CENPE: variants seen among roughly 807,000 people sequenced by gnomAD.
The protein encoded by CENPE is centromere-associated protein E.
In CENPE, 145 loss-of-function variants were observed where a neutral mutation model predicts 336.1. The observed-to-expected ratio is 0.43, with a 90% CI of 0.38 to 0.50. The LOEUF is 0.50. Among genes scored for constraint, CENPE ranks in the 20% least tolerant of loss-of-function variants. The pLI, the probability that CENPE is intolerant of heterozygous loss-of-function variation, is 0.00. For synonymous variants in CENPE, 1,013 were observed against 984.8 expected (o/e 1.03, Z -0.54); for missense variants, 2,719 against 3,023.3 (o/e 0.90, Z 2.36).
intron 17 of CENPE, 35 bp from the exon 18 acceptor site, chr4:103,163,291 A>G: frequency 6.3e-7 from 1 of 1,577,866 alleles, no homozygotes; most frequent in Non-Finnish European, 8.6e-7. Context: ...ACAATTTAGA[A>G]TCTGATTTGA....
rs201814347 is a variant in CENPE at position 103,158,628 on chromosome 4, C to T, written c.2860G>A (p.Asp954Asn). Residue 954 changes from aspartate to asparagine, a missense_variant, in exon 23 of 49, where the codon GAT becomes AAT. This residue lies in a region of CENPE where 2,437 missense variants were observed against 2,513.3 expected (regional missense o/e 0.97). Transcript: ENST00000265148. Reference protein sequence around the residue: ...ERDQLKSDIHDTVNMNIDTQE... With the variant: ...ERDQLKSDIHNTVNMNIDTQE... ...CAAAACCTTACCATGTTAACAGTAT[C>T]GTGAATATCACTTTTGAGTTGGTCC... is the stretch of plus-strand genomic sequence containing the variant. 1.7e-5 allele frequency: 27 copies of T among 1,602,846 alleles called. No homozygotes were observed. The highest frequency in any genetic ancestry group is 4.5e-5 in the East Asian group (2 of 44,756).
intron 46 of CENPE, among the ~76,000 whole-genome samples, 159 bp downstream of exon 46, chr4:103,114,296 T>C (rs1252913538): frequency 6.6e-6 from 1 of 152,194 alleles, no homozygotes; most frequent in Non-Finnish European, 1.5e-5. Flanking sequence ...TGTCACAAGA[T>C]ATCTGGAAAT....
At chr4:103,196,275 A>G (rs772684482) in intron 2 of CENPE, 23 bp from the exon 3 acceptor site, 41 of 1,541,280 alleles carry the variant, frequency 2.7e-5, no homozygotes, top group Non-Finnish European at 3.5e-5. Context: ...AACAACAACA[A>G]CAACACAGAA....
In CENPE at chr4:103,133,869, T is replaced by G; in HGVS notation, c.6546A>C (p.Lys2182Asn). Residue 2182 changes from lysine (K) to asparagine (N), a missense_variant, in exon 41 of 49, where the codon AAA (lysine) becomes AAC (asparagine). Lys to Asn is a moderately conservative substitution (Grantham distance 94, BLOSUM62 0). Around this residue, in one of 5 missense-constraint regions of CENPE, gnomAD observed 2,437 missense variants for 2,513.3 expected, o/e 0.97. Coordinates refer to ENST00000265148, the MANE Select transcript of CENPE (RefSeq NM_001813.3). Reference sequence around the variant, plus strand: ...TGGATTCATGTTGTTCTTCTTTTATTTTTGTAACATAGCTTAACACATACT... The same window carrying G: ...TGGATTCATGTTGTTCTTCTTTTATGTTTGTAACATAGCTTAACACATACT... The part of the protein sequence containing the change: ...KLKYVLSYVT[K>N]IKEEQHESIN... The G allele has an allele frequency of 6.3e-7, 1 of 1,586,834 alleles. No homozygotes were observed. The highest frequency in any genetic ancestry group is 8.6e-7 in the Non-Finnish European group (1 of 1,161,870).
intron 42 of CENPE, 27 bp downstream of exon 42, chr4:103,132,666 A>C: frequency 8.2e-7 from 1 of 1,218,372 alleles, no homozygotes; most frequent in Non-Finnish European, 1.2e-6. Flanking sequence ...GCAACAAAAA[A>C]GTAGTACAGC....
At chr4:103,167,356 T>C (rs1349836697) in intron 16 of CENPE, among the ~76,000 whole-genome samples, 1 of 152,168 alleles carries the variant, frequency 6.6e-6, no homozygotes, top group African/African-American at 2.4e-5. Context: ...ACCCTTCCCA[T>C]AGATGCTTTT....
At position 103,181,340 on chromosome 4, in the gene CENPE, C is replaced by T. The variant is rs1030399838; in HGVS notation, c.1080G>A (p.Glu360=). The T allele has an allele frequency of 2.8e-5, 43 of 1,526,176 alleles. No homozygotes were observed. Among genetic ancestry groups the T allele is most frequent in the Non-Finnish European group, 3.5e-5 (39 of 1,126,250 alleles). The allele number at this position is 1,526,176 out of a possible 1,614,324, so 94.5% of individuals were successfully genotyped here. Residue 360 remains glutamate (E), a synonymous_variant, in exon 12 of 49, where the codon GAG becomes GAA. Transcript: ENST00000265148. The part of the protein sequence containing the change: ...KEIMDLKKQL[E]EVSLETRAQA... The stretch of plus-strand genomic sequence containing the variant: ...GAAATAAATGATTCATACATACCTC[C>T]TCTAATTGTTTTTTAAGATCCATTA...
At position 103,185,800 on chromosome 4, in the gene CENPE, T is replaced by C. The variant is rs1482419569; in HGVS notation, c.745+10A>G. On this transcript the variant is annotated intron_variant, in intron 9 of 48. Transcript: ENST00000265148. ...CATTAAGACTAACATATTTCATGAG[T>C]TTTAATTACCTGCAGCGCCTGTTTG... is the stretch of plus-strand genomic sequence containing the variant. 7 of 1,597,574 alleles carry C rather than the reference T, an allele frequency of 4.4e-6. No homozygotes were observed. In the East Asian group the frequency reaches 1.6e-4, roughly 36 times the overall value.
chr4:103,138,489 G>T, intron 38 of CENPE, 40 bp from the exon 39 acceptor site: 1 of 1,322,946 alleles, frequency 7.6e-7, no homozygotes, highest in South Asian at 1.2e-5. Context: ...CTTTTGTCAT[G>T]ACTATATTCA....
intron 41 of CENPE, 64 bp from the exon 42 acceptor site, chr4:103,132,960 T>TTATATATATATACATATATATATATATA (rs1553926661): frequency 2.1e-5 from 3 of 144,300 alleles, no homozygotes; most frequent in African/African-American, 1.1e-4. Flanking sequence ...AATATTTTAT[T>TTATATATATATACATATATATATATATA]TATATATATA....
chr4:103,175,887 G>T, intron 15 of CENPE, 73 bp downstream of exon 15: 1 of 915,316 alleles, frequency 1.1e-6, no homozygotes, highest in Non-Finnish European at 1.7e-6. Flanking sequence ...ATGAGAACAA[G>T]TAACAAAACC....
intron 46 of CENPE, among the ~76,000 whole-genome samples, chr4:103,113,135 T>C (rs965376615): frequency 3.0e-5 from 2 of 67,608 alleles, no homozygotes; most frequent in African/African-American, 1.0e-4. Flanking sequence ...TGTGTATATA[T>C]ACTTATAAGT....
intron 15 of CENPE, 55 bp downstream of exon 15, chr4:103,175,905 A>G: frequency 1.7e-6 from 2 of 1,144,480 alleles, no homozygotes; most frequent in Non-Finnish European, 2.5e-6. Flanking sequence ...ACCTAATAAC[A>G]AAAGAATTTT....
chr4:103,185,381 A>G (rs2126030979), intron 9 of CENPE, among the ~76,000 whole-genome samples: 1 of 151,742 alleles, frequency 6.6e-6, no homozygotes, highest in East Asian at 1.9e-4. Flanking sequence ...TAGATATCAC[A>G]TCTTTTAGGT....
At chr4:103,116,924 A>G (rs1326060025) in intron 44 of CENPE, among the ~76,000 whole-genome samples, 3 of 152,154 alleles carry the variant, frequency 2.0e-5, no homozygotes. Flanking sequence ...CATAATATGC[A>G]ATTAGAAACA....
At chr4:103,141,693 C>T in intron 35 of CENPE, 57 bp downstream of exon 35, 1 of 1,272,336 alleles carries the variant, frequency 7.9e-7, no homozygotes, top group Non-Finnish European at 1.1e-6. Flanking sequence ...ATATCCCCAA[C>T]AATTTTAGGC....
intron 16 of CENPE, among the ~76,000 whole-genome samples, chr4:103,165,205 A>C (rs1386194627): frequency 2.0e-5 from 3 of 152,178 alleles, no homozygotes; most frequent in Admixed American, 2.0e-4. Context: ...CAGTTAATCC[A>C]TTGCTACCAT....
chr4:103,162,446 T>C (rs1475908265), intron 18 of CENPE, among the ~76,000 whole-genome samples: 1 of 152,196 alleles, frequency 6.6e-6, no homozygotes, highest in Non-Finnish European at 1.5e-5. Flanking sequence ...TTATATCAAC[T>C]AAAATCATCT....
At chr4:103,158,236 A>G in intron 24 of CENPE, 64 bp downstream of exon 24, 1 of 1,178,404 alleles carries the variant, frequency 8.5e-7, no homozygotes, top group Non-Finnish European at 1.2e-6. Context: ...TATGCATTTA[A>G]GTATTTGAGG....
Sources: gnomAD v4.1 joint callset for allele counts (sites outside exome capture counted in the v4.1 genomes callset) on GRCh38, gnomAD v4.1.1 for gene constraint, gnomAD v4.1.1 regional missense constraint, MANE v1.5 for transcripts, NCBI Gene and HGNC (gene_info 2026-07-23, HGNC 2026-07-21) for gene names.